The following AFF1 variants were observed in gnomAD, a reference collection of about 807,000 sequenced individuals.
AFF1 encodes the protein AF4/FMR2 family member 1.
A neutral mutation model predicts 121.7 loss-of-function variants in AFF1; 48 were observed. The ratio of observed to expected loss-of-function variants is 0.39; its 90% CI spans 0.31 to 0.50. The LOEUF is 0.50. Among genes scored for constraint, AFF1 ranks in the 20% least tolerant of loss-of-function variants. The probability of loss-of-function intolerance (pLI) is 0.76; values close to 1 mark genes in which losing one functional copy is unlikely to be tolerated. For missense variants in AFF1, 1,523 were observed against 1,511.7 expected (o/e 1.01, Z -0.12); for synonymous variants, 613 against 563.0 (o/e 1.09, Z -1.26).
rs1560639517 is a variant in AFF1, at chr4:87,114,483, G to A, written c.1650G>A (p.Glu550=). 3 of 1,613,660 alleles carry A rather than the reference G, an allele frequency of 1.9e-6. No individual in the cohort carries two copies. Among genetic ancestry groups the A allele is most frequent in the Admixed American group, 3.3e-5 (2 of 59,998 alleles). ...RSTEPPRRHP[E]SKGSSDSATS... is the part of the protein sequence containing the mutation. ...CAGAGCCCCCACGGCGGCACCCAGA[G>A]AGTAAGGGCAGCAGCGACAGTGCCA... The change falls in exon 12 of 21, where the codon GAG becomes GAA. Residue 550 remains glutamate, a synonymous_variant. Transcript: ENST00000395146.
rs534271192 is a variant in AFF1 at position 86,935,015 on chromosome 4, A to C, written c.-262A>C. On this transcript the variant is annotated 5_prime_UTR_variant, in exon 1 of 21. Transcript: ENST00000395146. ...AGCCGGCGTGCTGAGCTTGCCAGCC[A>C]GCTAGCGAGCGACGGGCGCGCGCGG... The C allele has an allele frequency of 6.6e-6, 1 of 151,946 alleles. No individual in the cohort carries two copies. The highest frequency in any genetic ancestry group is 2.1e-4 in the South Asian group (1 of 4,826). 9.4% of individuals were successfully genotyped at this position (151,946 alleles called of 1,614,324 possible).
intron 4 of AFF1, among the ~76,000 whole-genome samples, chr4:87,061,645 T>G (rs771270864): frequency 2.6e-5 from 4 of 152,226 alleles, no homozygotes; most frequent in Non-Finnish European, 4.4e-5. Context: ...TTAGGCAGGG[T>G]GCATGTGCTG....
At chr4:87,093,377 TG>T (rs1242081716) in intron 7 of AFF1, among the ~76,000 whole-genome samples, 1 of 152,050 alleles carries the variant, frequency 6.6e-6, no homozygotes, top group East Asian at 1.9e-4. Context: ...AAGAGGATGG[TG>T]GGGTATGGAT....
chr4:86,975,688 T>C (rs1578878925), intron 2 of AFF1, among the ~76,000 whole-genome samples: 1 of 152,160 alleles, frequency 6.6e-6, no homozygotes, highest in African/African-American at 2.4e-5. Context: ...AGGATGCAGG[T>C]ATATAAACAC....
chr4:87,019,886 G>GGGC (rs375635368), intron 2 of AFF1, among the ~76,000 whole-genome samples: 3 of 106,502 alleles, frequency 2.8e-5, no homozygotes, highest in Non-Finnish European at 5.9e-5. Flanking sequence ...GAAGGGGTCG[G>GGGC]GGGGGGGCAG....
chr4:87,106,062 A>G (rs185071430), intron 10 of AFF1, among the ~76,000 whole-genome samples: 96 of 152,340 alleles, frequency 6.3e-4, no homozygotes, highest in Admixed American at 4.0e-3. Context: ...ACTCATCTAC[A>G]TCATCAGTAT....
At chr4:86,944,157 A>G (rs1024145345) in intron 1 of AFF1, among the ~76,000 whole-genome samples, 3 of 151,410 alleles carry the variant, frequency 2.0e-5, no homozygotes, top group Non-Finnish European at 4.4e-5. Context: ...AAAAAAAAAA[A>G]AAAAAAGTCT....
intron 2 of AFF1, among the ~76,000 whole-genome samples, chr4:86,995,573 C>G (rs1025448046): frequency 5.3e-5 from 8 of 152,028 alleles, no homozygotes; most frequent in Non-Finnish European, 1.2e-4. Context: ...CTCGGCCTCC[C>G]GAGGTGCCGG....
At chr4:87,041,301 A>G (rs958484483) in intron 2 of AFF1, among the ~76,000 whole-genome samples, 2 of 152,186 alleles carry the variant, frequency 1.3e-5, no homozygotes, top group African/African-American at 4.8e-5. Flanking sequence ...AGTGTTGACT[A>G]ACATGTTAAG....
chr4:87,002,104 C>CTTT (rs764965353), intron 2 of AFF1, among the ~76,000 whole-genome samples: 7 of 141,968 alleles, frequency 4.9e-5, no homozygotes, highest in Admixed American at 2.1e-4. Flanking sequence ...TTTTCTTTTC[C>CTTT]TTTTTTTTTT....
At chr4:87,043,556 T>G in intron 2 of AFF1, among the ~76,000 whole-genome samples, 1 of 152,198 alleles carries the variant, frequency 6.6e-6, no homozygotes, top group East Asian at 1.9e-4. Flanking sequence ...ATAAAATAAT[T>G]GAAGGAATTG....
chr4:87,023,767 A>G lies in AFF1; in HGVS notation c.39-22399A>G, dbSNP rs79194285. On this transcript the variant is annotated intron_variant, in intron 2 of 20. Transcript: ENST00000395146. ...TGGAATAATAATGGCAAACGGTGCA[A>G]TCACTGAAATAAAGCATGAAAACCA... Among the ~76,000 whole-genome samples the G allele has an allele frequency of 4.1e-3, 630 of 152,348 alleles. 3 individuals are homozygous for G. Among genetic ancestry groups the G allele is most frequent in the African/African-American group, 0.014 (593 of 41,594 alleles).
chr4:87,132,498 T>TG, intron 19 of AFF1, 90 bp downstream of exon 19: 1 of 1,355,404 alleles, frequency 7.4e-7, no homozygotes, highest in Non-Finnish European at 9.9e-7. Flanking sequence ...TGCTTACATA[T>TG]GTCACTTTGC....
chr4:87,138,656 C>G lies in AFF1; in HGVS notation c.*2955C>G, dbSNP rs148811637. ...CTTTACTAAAATTTATCAAATTATA[C>G]TGGGTTCGGATTGTGAAAACATTGG... is the stretch of plus-strand genomic sequence containing the variant. On this transcript the variant is annotated 3_prime_UTR_variant, in exon 21 of 21. Transcript: ENST00000395146. The G allele has an allele frequency of 1.5e-4, 34 of 223,736 alleles. No individual in the cohort carries two copies. Among genetic ancestry groups the G allele is most frequent in the African/African-American group, 7.8e-4 (34 of 43,598 alleles). The allele number at this position is 223,736 out of a possible 1,614,324, so 13.9% of individuals were successfully genotyped here. A position where few individuals can be genotyped will look rare whatever the true frequency, so the allele number is the denominator to read the frequency against.
At chr4:86,947,807 C>A (rs1041122874) in intron 1 of AFF1, among the ~76,000 whole-genome samples, 2 of 104,270 alleles carry the variant, frequency 1.9e-5, no homozygotes, top group Admixed American at 1.2e-4. Flanking sequence ...TGTTTTATTT[C>A]GGTTTTTGTT....
chr4:87,014,575 A>G (rs1268774505), intron 2 of AFF1, among the ~76,000 whole-genome samples: 1 of 152,236 alleles, frequency 6.6e-6, no homozygotes, highest in Non-Finnish European at 1.5e-5. Flanking sequence ...TAACTTTTCA[A>G]TTTTTGGAAC....
At chr4:87,015,438 A>G (rs1179706545) in intron 2 of AFF1, among the ~76,000 whole-genome samples, 1 of 152,228 alleles carries the variant, frequency 6.6e-6, no homozygotes, top group African/African-American at 2.4e-5. Flanking sequence ...AAAATATTGG[A>G]AAGAATTATT....
rs1728253610 is a variant in AFF1 at position 87,126,394 on chromosome 4, C to G, written c.2811+58C>G. ...GGATGCATTGCTGTACCTTTACGTTCCCAAAGAAGACAAGTTGCTAGTGAT... is the reference window on the plus strand; with the variant it reads ...GGATGCATTGCTGTACCTTTACGTTGCCAAAGAAGACAAGTTGCTAGTGAT... On this transcript the variant is annotated intron_variant, in intron 14 of 20. Coordinates refer to ENST00000395146, the MANE Select transcript of AFF1 (RefSeq NM_001166693.3). The G allele has an allele frequency of 2.4e-5, 37 of 1,514,148 alleles. 1 individual carries two copies. The highest frequency in any genetic ancestry group is 3.3e-5 in the Non-Finnish European group (36 of 1,092,976). 93.8% of individuals were successfully genotyped at this position (1,514,148 alleles called of 1,614,324 possible).
intron 2 of AFF1, among the ~76,000 whole-genome samples, chr4:87,019,383 C>A (rs1727655172): frequency 6.6e-6 from 1 of 152,188 alleles, no homozygotes; most frequent in African/African-American, 2.4e-5. Flanking sequence ...CAAGGCAGGA[C>A]TCTAATCTAA....
Sources: allele counts gnomAD v4.1 joint callset (sites outside exome capture counted in the v4.1 genomes callset), GRCh38; gene constraint gnomAD v4.1.1; transcripts MANE v1.5; gene names NCBI Gene and HGNC (gene_info 2026-07-23, HGNC 2026-07-21).